Variants in FAAH2 observed in about 807,000 individuals in gnomAD.
FAAH2 encodes fatty acid amide hydrolase 2.
FAAH2 carries 60 observed loss-of-function variants against 36.9 expected under a neutral mutation model. That is an observed-to-expected ratio of 1.63 (90% confidence interval 1.32 to 2.02). The LOEUF is 2.02. Among genes scored for constraint, FAAH2 ranks in the 30% most tolerant of loss-of-function variants. The pLI is 0.00. For synonymous variants in FAAH2, 214 were observed against 143.8 expected, an observed-to-expected ratio of 1.49 and a Z score of -3.49; for missense variants, 689 against 397.5, an observed-to-expected ratio of 1.73 and a Z score of -6.23.
At chrX:57,163,972 T>C in the FAAH2 span, among the ~76,000 whole-genome samples, 4 of 112,404 alleles carry the variant, frequency 3.6e-5, 1 homozygote, top group South Asian at 1.5e-3. Context: ...GATTTCCTGG[T>C]AAATATTAGG....
chrX:57,400,036 G>A (rs2055394359), intron 7 of FAAH2, among the ~76,000 whole-genome samples: 4 of 112,235 alleles, frequency 3.6e-5, no homozygotes, highest in Admixed American at 2.8e-4. Context: ...CTCGAGTGGT[G>A]TAGGTTTGAG....
At chrX:57,228,089 G>T in the FAAH2 span, among the ~76,000 whole-genome samples, 1 of 112,123 alleles carries the variant, frequency 8.9e-6, no homozygotes, top group Non-Finnish European at 1.9e-5. Flanking sequence ...AATGAAAAGG[G>T]CTTTAGTTCT....
chrX:57,259,173 A>G, the FAAH2 span, among the ~76,000 whole-genome samples: 1 of 112,146 alleles, frequency 8.9e-6, no homozygotes, highest in African/African-American at 3.2e-5. Flanking sequence ...TATAGTCATT[A>G]TGAAAAACAG....
At chrX:57,151,306 C>T in the FAAH2 span, among the ~76,000 whole-genome samples, 6 of 111,769 alleles carry the variant, frequency 5.4e-5, no homozygotes, top group African/African-American at 1.6e-4. Flanking sequence ...GAATGTTGGC[C>T]TGCCTTGCTA....
intron 10 of FAAH2, among the ~76,000 whole-genome samples, chrX:57,484,868 G>T (rs939348394): frequency 6.3e-5 from 7 of 111,133 alleles, no homozygotes; most frequent in African/African-American, 9.8e-5. Context: ...TCCTGAAGGG[G>T]CTGGACCTGG....
At chrX:57,191,476 A>G in the FAAH2 span, among the ~76,000 whole-genome samples, 5 of 111,195 alleles carry the variant, frequency 4.5e-5, no homozygotes, top group Admixed American at 1.9e-4. Flanking sequence ...GCTGCTGTGC[A>G]GAAGCTTTTT....
the FAAH2 span, among the ~76,000 whole-genome samples, chrX:57,208,441 T>A: frequency 8.9e-6 from 1 of 112,236 alleles, no homozygotes; most frequent in Non-Finnish European, 1.9e-5. Context: ...CCACAGGTAT[T>A]GCTTAAGAGT....
the FAAH2 span, among the ~76,000 whole-genome samples, chrX:57,153,560 A>T: frequency 8.9e-6 from 1 of 111,777 alleles, no homozygotes; most frequent in Non-Finnish European, 1.9e-5. Flanking sequence ...CTGTCTTGGT[A>T]TTGGCAAATT....
At chrX:57,270,769 G>T in the FAAH2 span, among the ~76,000 whole-genome samples, 1 of 111,236 alleles carries the variant, frequency 9.0e-6, no homozygotes, top group South Asian at 3.8e-4. Flanking sequence ...AACCCATGAG[G>T]GTCTAAGCCT....
chrX:57,243,459 C>T, the FAAH2 span, among the ~76,000 whole-genome samples: 148 of 112,214 alleles, frequency 1.3e-3, no homozygotes, highest in African/African-American at 4.4e-3. Flanking sequence ...CTGTGAGGCA[C>T]CTCTCAGAAG....
At chrX:57,321,997 G>A (rs185854045) in intron 3 of FAAH2, among the ~76,000 whole-genome samples, 5 of 108,269 alleles carry the variant, frequency 4.6e-5, no homozygotes, top group African/African-American at 1.3e-4. Context: ...TTTCTCTTTT[G>A]TTTATGAAAC....
intron 10 of FAAH2, among the ~76,000 whole-genome samples, chrX:57,485,973 G>C (rs369458175): frequency 4.1e-4 from 46 of 111,554 alleles, no homozygotes; most frequent in African/African-American, 1.4e-3. Flanking sequence ...TCTCTAGCTG[G>C]GGTGAGCTGC....
At chrX:57,162,642 G>T in the FAAH2 span, among the ~76,000 whole-genome samples, 2 of 111,599 alleles carry the variant, frequency 1.8e-5, no homozygotes, top group Non-Finnish European at 3.8e-5. Flanking sequence ...CTTTCTTCCA[G>T]TTGATCGCAT....
the FAAH2 span, among the ~76,000 whole-genome samples, chrX:57,149,898 G>A: frequency 9.0e-6 from 1 of 111,510 alleles, no homozygotes; most frequent in Non-Finnish European, 1.9e-5. Flanking sequence ...TGGGCATTTA[G>A]TGCTATAAAT....
intron 2 of FAAH2, among the ~76,000 whole-genome samples, chrX:57,303,129 G>A (rs1281985094): frequency 9.0e-6 from 1 of 111,490 alleles, no homozygotes; most frequent in African/African-American, 3.3e-5. Flanking sequence ...TCCATCCTTG[G>A]AAAGAACAGG....
chrX:57,357,075 T>A (rs950532640), intron 5 of FAAH2, among the ~76,000 whole-genome samples: 1 of 111,437 alleles, frequency 9.0e-6, no homozygotes, highest in Non-Finnish European at 1.9e-5. Context: ...TTGCTGAGAA[T>A]GATGGTTTCC....
chrX:57,406,692 T>C (rs1350903252), intron 7 of FAAH2, among the ~76,000 whole-genome samples: 1 of 112,729 alleles, frequency 8.9e-6, no homozygotes, highest in South Asian at 3.6e-4. Context: ...CAAAATTGCC[T>C]TTGGGCAGAC....
At chrX:57,439,924 T>G (rs770155208) in intron 8 of FAAH2, among the ~76,000 whole-genome samples, 1 of 111,712 alleles carries the variant, frequency 9.0e-6, no homozygotes, top group South Asian at 3.8e-4. Flanking sequence ...ATATGTGGCA[T>G]TATTTCTGAG....
At chrX:57,216,403 C>G in the FAAH2 span, among the ~76,000 whole-genome samples, 1 of 102,204 alleles carries the variant, frequency 9.8e-6, no homozygotes, top group Admixed American at 1.1e-4. Context: ...AGTTATTTCA[C>G]TTAGAATTAT....
Sources: allele counts gnomAD v4.1 joint callset (sites outside exome capture counted in the v4.1 genomes callset), GRCh38; gene constraint gnomAD v4.1.1; transcripts MANE v1.5; gene names NCBI Gene and HGNC (gene_info 2026-07-23, HGNC 2026-07-21).